The following BTBD3 variants were observed in gnomAD, a reference collection of about 807,000 sequenced individuals.
The protein encoded by BTBD3 is BTB/POZ domain-containing protein 3.
BTBD3 carries 14 observed loss-of-function variants against 41.6 expected under a neutral mutation model. The ratio of observed to expected loss-of-function variants is 0.34; its 90% CI spans 0.22 to 0.53. BTBD3 has a LOEUF of 0.53. Among genes scored for constraint, BTBD3 ranks in the 20% least tolerant of loss-of-function variants. BTBD3 has a pLI of 0.95. For missense variants in BTBD3, 426 were observed against 654.7 expected (o/e 0.65, Z 3.81); for synonymous variants, 249 against 233.7 (o/e 1.07, Z -0.60).
chr20:11,898,785 T>A (rs2122184057), intron 1 of BTBD3, among the ~76,000 whole-genome samples: 1 of 152,342 alleles, frequency 6.6e-6, no homozygotes, highest in Middle Eastern at 3.4e-3. Flanking sequence ...ATTTATAGTT[T>A]ATAATGGAGA....
intron 1 of BTBD3, among the ~76,000 whole-genome samples, chr20:11,905,782 C>G (rs1275551439): frequency 1.3e-5 from 2 of 152,172 alleles, no homozygotes; most frequent in Non-Finnish European, 2.9e-5. Context: ...TGGTGAAACT[C>G]TTGCCTTTTC....
chr20:11,894,157 A>G (rs1162342994), intron 1 of BTBD3, among the ~76,000 whole-genome samples: 1 of 152,238 alleles, frequency 6.6e-6, no homozygotes, highest in Non-Finnish European at 1.5e-5. Flanking sequence ...AGTTTTGGTG[A>G]GATGGAATGA....
chr20:11,898,294 G>A (rs911192084), intron 1 of BTBD3, among the ~76,000 whole-genome samples: 5 of 151,936 alleles, frequency 3.3e-5, no homozygotes, highest in Middle Eastern at 3.2e-3. Context: ...ATCCTTGAAC[G>A]TGGCAGGCAC....
chr20:11,897,350 A>T (rs2056793231), intron 1 of BTBD3, among the ~76,000 whole-genome samples: 1 of 152,158 alleles, frequency 6.6e-6, no homozygotes, highest in Admixed American at 6.5e-5. Context: ...CTTTCTCTGC[A>T]AACCTGCTCC....
chr20:11,904,407 G>C (rs1403772196), intron 1 of BTBD3, among the ~76,000 whole-genome samples: 1 of 152,114 alleles, frequency 6.6e-6, no homozygotes, highest in Non-Finnish European at 1.5e-5. Context: ...CCTCCCACCA[G>C]GTCCCTCCCT....
At chr20:11,896,045 T>TTTGCCGTC in intron 1 of BTBD3, among the ~76,000 whole-genome samples, 1 of 152,216 alleles carries the variant, frequency 6.6e-6, no homozygotes, top group East Asian at 1.9e-4. Context: ...GTGTGTTAAA[T>TTTGCCGTC]TTACCGTCTT....
intron 1 of BTBD3, chr20:11,891,420 G>A (rs1000040497): frequency 6.6e-6 from 1 of 152,062 alleles, no homozygotes; most frequent in Non-Finnish European, 1.5e-5. Context: ...GGAGGCGCGC[G>A]GTGGGAAGCG....
intron 1 of BTBD3, chr20:11,918,872 T>C (rs1334107309): frequency 8.7e-6 from 5 of 572,872 alleles, no homozygotes; most frequent in African/African-American, 1.9e-5. Flanking sequence ...TTAGCTTTAT[T>C]AAAAGTTTGT....
chr20:11,923,262 C>T lies in BTBD3; in HGVS notation c.1165C>T (p.Arg389Cys), dbSNP rs761877995. 6 of 1,614,192 alleles carry T rather than the reference C, an allele frequency of 3.7e-6. No individual in the cohort carries two copies. Among genetic ancestry groups the T allele is most frequent in the South Asian group, 2.2e-5 (2 of 91,084 alleles). Residue 389 changes from arginine (R) to cysteine (C), a missense_variant, in exon 4 of 4, where the codon CGC becomes TGC. Coordinates refer to ENST00000378226, the MANE Select transcript of BTBD3 (RefSeq NM_014962.4). This position sits in a 1 kb window ranked among gnomAD's most constrained non-coding sequence, Gnocchi z 5.3. ...QSCAYRSNQW[R>C]YRGRCDSIQF... ...GTGTGCCTATCGAAGCAACCAATGG[C>T]GCTATCGTGGTCGCTGTGACAGCAT...
intron 1 of BTBD3, chr20:11,910,337 A>C (rs1314864976): frequency 6.6e-6 from 1 of 152,240 alleles, no homozygotes; most frequent in Non-Finnish European, 1.5e-5. Context: ...TTTAAAGCCA[A>C]CAAATGACCT....
intron 1 of BTBD3, among the ~76,000 whole-genome samples, chr20:11,908,974 G>A (rs904687308): frequency 2.6e-5 from 4 of 152,054 alleles, no homozygotes; most frequent in Non-Finnish European, 4.4e-5. Context: ...ACGGCCAGGC[G>A]CGGTGGCTCA....
At chr20:11,904,072 A>G (rs757058883) in intron 1 of BTBD3, among the ~76,000 whole-genome samples, 1 of 152,230 alleles carries the variant, frequency 6.6e-6, no homozygotes, top group Non-Finnish European at 1.5e-5. Flanking sequence ...CTGATCTTGT[A>G]TATAGTTCAT....
chr20:11,918,259 A>G lies in BTBD3; in HGVS notation c.-17A>G, dbSNP rs750910847. The G allele has an allele frequency of 6.5e-7, 1 of 1,538,192 alleles. No individual in the cohort carries two copies. The highest frequency in any genetic ancestry group is 8.7e-7 in the Non-Finnish European group (1 of 1,150,828). On this transcript the variant is annotated 5_prime_UTR_variant, in exon 1 of 4. Coordinates refer to ENST00000378226, the MANE Select transcript of BTBD3 (RefSeq NM_014962.4). Reference sequence around the variant, plus strand: ...CAATTTGGGATATCTAACTCTAAAGAGAGACACACTGTACTCATGGTAGAT... The same window carrying G: ...CAATTTGGGATATCTAACTCTAAAGGGAGACACACTGTACTCATGGTAGAT...
rs765305999 is a variant in BTBD3, at chr20:11,923,028, A to C, written c.931A>C (p.Lys311Gln). 3 of 1,614,028 alleles carry C rather than the reference A, an allele frequency of 1.9e-6. No individual in the cohort carries two copies. The highest frequency in any genetic ancestry group is 2.7e-5 in the African/African-American group (2 of 74,934). The stretch of plus-strand genomic sequence containing the variant: ...GGCGTTGAGCATTGAAAATAAACGC[A>C]AGGTTCTAGGAAAGGCACTTTACTT... ...DLALSIENKR[K>Q]VLGKALYLIR... Residue 311 changes from lysine to glutamine, a missense_variant, in exon 4 of 4, where the codon AAG becomes CAG. Transcript: ENST00000378226. The surrounding 1 kb of genome is among the most constrained non-coding windows in gnomAD (Gnocchi z 5.3).
upstream of BTBD3, among the ~76,000 whole-genome samples, chr20:11,912,907 A>G (rs146205282): frequency 2.3e-3 from 353 of 152,328 alleles, 3 homozygotes; most frequent in African/African-American, 8.2e-3. Context: ...AAGCATATAT[A>G]GTCTGTTTTC....
At position 11,924,036 on chromosome 20, in the gene BTBD3, A is replaced by G; in HGVS notation, c.*370A>G. 5.3e-6 allele frequency: 1 copy of G among 188,650 alleles called. No individual in the cohort carries two copies. Among genetic ancestry groups the G allele is most frequent in the East Asian group, 1.5e-4 (1 of 6,832 alleles). 11.7% of individuals were successfully genotyped at this position (188,650 alleles called of 1,614,324 possible). A position where few individuals can be genotyped will look rare whatever the true frequency, so the allele number is the denominator to read the frequency against. On this transcript the variant is annotated 3_prime_UTR_variant, in exon 4 of 4. Transcript: ENST00000378226. ...GACGTTATTTGATGAACAGAAATAAAGTGATAACAAGAGTTATTTTTAAAC... is the reference window on the plus strand; with the variant it reads ...GACGTTATTTGATGAACAGAAATAAGGTGATAACAAGAGTTATTTTTAAAC...
chr20:11,898,730 A>T (rs1285064953), intron 1 of BTBD3, among the ~76,000 whole-genome samples: 7 of 152,152 alleles, frequency 4.6e-5, no homozygotes, highest in Non-Finnish European at 8.8e-5. Context: ...GCATTTGTGG[A>T]TCTAACGTTG....
At chr20:11,906,877 C>G (rs1325420923) in intron 1 of BTBD3, among the ~76,000 whole-genome samples, 1 of 152,186 alleles carries the variant, frequency 6.6e-6, no homozygotes, top group Non-Finnish European at 1.5e-5. Context: ...TTCATCGATT[C>G]AGTGTTAAGT....
intron 1 of BTBD3, among the ~76,000 whole-genome samples, chr20:11,908,878 T>A (rs1281972834): frequency 6.6e-6 from 1 of 152,216 alleles, no homozygotes; most frequent in Non-Finnish European, 1.5e-5. Context: ...ATACCAACAT[T>A]TAAAGTATAC....
Sources: allele counts gnomAD v4.1 joint callset (sites outside exome capture counted in the v4.1 genomes callset), GRCh38; gene constraint gnomAD v4.1.1; non-coding constraint Gnocchi (gnomAD v3.1); transcripts MANE v1.5; gene names NCBI Gene and HGNC (gene_info 2026-07-23, HGNC 2026-07-21).